The following CADM3 variants were observed in gnomAD, a reference collection of about 807,000 sequenced individuals.
CADM3 encodes cell adhesion molecule 3, also known as TSLC1-like 1.
CADM3 carries 11 observed loss-of-function variants against 44.9 expected under a neutral mutation model. That is an observed-to-expected ratio of 0.25 (90% CI 0.15 to 0.41). The LOEUF is 0.41. Among genes scored for constraint, CADM3 ranks in the 10% least tolerant of loss-of-function variants. CADM3 has a pLI of 1.00. For missense variants in CADM3, 426 were observed against 512.0 expected (o/e 0.83, Z 1.62); for synonymous variants, 207 against 205.2 (o/e 1.01, Z -0.08).
chr1:159,200,485 C>A (rs1047590935), intron 8 of CADM3, among the ~76,000 whole-genome samples: 3 of 151,588 alleles, frequency 2.0e-5, no homozygotes, highest in African/African-American at 4.9e-5. Context: ...TGCGTGCACA[C>A]GCATGCATAC....
intron 1 of CADM3, among the ~76,000 whole-genome samples, chr1:159,185,660 A>G (rs1324677913): frequency 6.6e-6 from 1 of 152,088 alleles, no homozygotes; most frequent in African/African-American, 2.4e-5. Context: ...ATAAATACCA[A>G]TTTCTTCTGT....
chr1:159,200,382 C>T (rs1247045198), intron 8 of CADM3, among the ~76,000 whole-genome samples: 1 of 152,200 alleles, frequency 6.6e-6, no homozygotes, highest in Non-Finnish European at 1.5e-5. Context: ...TTAATTCTAG[C>T]CAGCGGCCTG....
intron 8 of CADM3, 54 bp from the exon 9 acceptor site, chr1:159,200,750 G>A: frequency 7.4e-7 from 1 of 1,346,024 alleles, no homozygotes; most frequent in Non-Finnish European, 1.0e-6. Flanking sequence ...GGGCAGGGTG[G>A]ACTCAGAGGT....
chr1:159,192,838 A>G, intron 3 of CADM3, 108 bp downstream of exon 3: 1 of 1,140,850 alleles, frequency 8.8e-7, no homozygotes, highest in Non-Finnish European at 1.3e-6. Flanking sequence ...CAAGCACTTT[A>G]GGAAAGTTCA....
chr1:159,188,557 C>A lies in CADM3; in HGVS notation c.89-3379C>A, dbSNP rs570963154. On this transcript the variant is annotated intron_variant, in intron 1 of 8. Coordinates refer to ENST00000368125, the MANE Select transcript of CADM3 (RefSeq NM_001127173.3). ...GCGCTGGGACGACTGGCGAAGTTCA[C>A]CCGGGACTCCAAAGCCCGGACACGT... Among the ~76,000 whole-genome samples the A allele has an allele frequency of 6.6e-5, 10 of 152,206 alleles. No individual in the cohort carries two copies. The South Asian group carries it at 1.0e-3, about 16-fold the overall frequency.
At chr1:159,179,423 C>T (rs1292470838) in intron 1 of CADM3, among the ~76,000 whole-genome samples, 1 of 152,114 alleles carries the variant, frequency 6.6e-6, no homozygotes, top group Admixed American at 6.5e-5. Context: ...ACTTCTAGTT[C>T]AGGGTCAAGA....
chr1:159,200,685 C>G (rs759889267), intron 8 of CADM3, 119 bp from the exon 9 acceptor site: 27 of 661,998 alleles, frequency 4.1e-5, no homozygotes, highest in Non-Finnish European at 6.4e-5. Context: ...TAGAAGAGAG[C>G]TATTGGCAAG....
intron 1 of CADM3, among the ~76,000 whole-genome samples, chr1:159,189,216 G>T (rs1179682695): frequency 1.3e-5 from 2 of 152,164 alleles, no homozygotes; most frequent in East Asian, 3.9e-4. Flanking sequence ...GACCCTGGGC[G>T]AGTCATTTCA....
At chr1:159,174,426 C>T (rs922662608) in intron 1 of CADM3, among the ~76,000 whole-genome samples, 3 of 152,152 alleles carry the variant, frequency 2.0e-5, no homozygotes, top group Admixed American at 6.5e-5. Context: ...TGTATCTTAA[C>T]TGGTAATGTT....
intron 7 of CADM3, 23 bp from the exon 8 acceptor site, chr1:159,199,728 G>A (rs1557940145): frequency 1.2e-6 from 2 of 1,614,130 alleles, no homozygotes; most frequent in Non-Finnish European, 1.7e-6. Flanking sequence ...AGATCTGACT[G>A]TGTGTGTTGC....
chr1:159,200,880 C>A lies in CADM3; in HGVS notation c.1155C>A (p.Gly385=). The A allele has an allele frequency of 1.2e-6, 2 of 1,609,648 alleles. No homozygotes were observed. The highest frequency in any genetic ancestry group is 1.7e-6 in the Non-Finnish European group (2 of 1,177,798). ...DADTAIINAE[G]GQSGGDDKKE... is the part of the protein sequence containing the mutation. ...ACACGGCCATCATCAATGCAGAAGG[C>A]GGGCAGTCAGGAGGGGACGACAAGA... The change falls in exon 9 of 9, where the codon GGC becomes GGA. Residue 385 remains glycine (G), a synonymous_variant. Coordinates refer to ENST00000368125, the MANE Select transcript of CADM3 (RefSeq NM_001127173.3).
At chr1:159,184,436 A>G (rs1649343925) in intron 1 of CADM3, among the ~76,000 whole-genome samples, 1 of 152,148 alleles carries the variant, frequency 6.6e-6, no homozygotes, top group African/African-American at 2.4e-5. Context: ...ATGCTGAGTC[A>G]TCATCATCAT....
chr1:159,199,102 T>C (rs896459019), intron 7 of CADM3, among the ~76,000 whole-genome samples: 20 of 152,136 alleles, frequency 1.3e-4, no homozygotes, highest in Non-Finnish European at 1.6e-4. Context: ...CTATCATCTT[T>C]CGTAAGGTGC....
At chr1:159,194,137 G>A (rs1455398568) in intron 5 of CADM3, 97 bp downstream of exon 5, 4 of 1,298,502 alleles carry the variant, frequency 3.1e-6, no homozygotes, top group East Asian at 4.7e-5. Context: ...AACACGCACA[G>A]TTAAGTGAAT....
At chr1:159,200,095 G>A (rs749092190) in intron 8 of CADM3, among the ~76,000 whole-genome samples, 3 of 152,110 alleles carry the variant, frequency 2.0e-5, no homozygotes, top group African/African-American at 4.8e-5. Context: ...CTTGGGGATC[G>A]TCCAAGTGAA....
At chr1:159,193,063 T>C (rs997713158) in intron 3 of CADM3, among the ~76,000 whole-genome samples, 1 of 152,200 alleles carries the variant, frequency 6.6e-6, no homozygotes, top group Non-Finnish European at 1.5e-5. Flanking sequence ...CCAAAATAAG[T>C]ACCCCAGTTG....
intron 1 of CADM3, chr1:159,178,552 T>C (rs142324522): frequency 6.6e-6 from 1 of 152,308 alleles, no homozygotes; most frequent in East Asian, 1.9e-4. Flanking sequence ...GGTTAGTACA[T>C]GTATAGGAGA....
At position 159,200,859 on chromosome 1, in the gene CADM3, G is replaced by GGTGGTC; in HGVS notation, c.1135_1136insTGGTCG (p.Thr378_Ala379insValVal). 1 of 1,611,342 alleles carries GGTGGTC rather than the reference G, an allele frequency of 6.2e-7. No homozygotes were observed. Among genetic ancestry groups the GGTGGTC allele is most frequent in the Admixed American group, 1.7e-5 (1 of 59,730 alleles). The stretch of plus-strand genomic sequence containing the variant: ...CCGACGATGCTCCAGACGCGGACAC[G>GGTGGTC]GCCATCATCAATGCAGAAGGCGGGC... On this transcript the variant is annotated inframe_insertion, in exon 9 of 9. Coordinates refer to ENST00000368125, the MANE Select transcript of CADM3 (RefSeq NM_001127173.3).
chr1:159,179,429 C>G (rs1206888551), intron 1 of CADM3, among the ~76,000 whole-genome samples: 1 of 152,106 alleles, frequency 6.6e-6, no homozygotes, highest in Non-Finnish European at 1.5e-5. Context: ...AGTTCAGGGT[C>G]AAGAAGGTCA....
Sources: allele counts gnomAD v4.1 joint callset (sites outside exome capture counted in the v4.1 genomes callset), GRCh38; gene constraint gnomAD v4.1.1; transcripts MANE v1.5; gene names NCBI Gene and HGNC (gene_info 2026-07-23, HGNC 2026-07-21).